SMC2: variants seen among roughly 807,000 people sequenced by gnomAD.
SMC2 encodes the protein structural maintenance of chromosomes 2, also known as structural maintenance of chromosomes protein 2.
SMC2 carries 41 observed loss-of-function variants against 142.6 expected under a neutral mutation model. The ratio of observed to expected loss-of-function variants is 0.29; its 90% CI spans 0.22 to 0.37. The LOEUF (loss-of-function observed/expected upper bound fraction) is 0.37. Among genes scored for constraint, SMC2 ranks in the 10% least tolerant of loss-of-function variants. The pLI, the probability that SMC2 is intolerant of heterozygous loss-of-function variation, is 1.00. For synonymous variants in SMC2, 463 were observed against 457.5 expected (o/e 1.01, Z -0.15); for missense variants, 1,265 against 1,373.7 (o/e 0.92, Z 1.25).
chr9:104,108,079 C>A (rs1486695877), intron 9 of SMC2, among the ~76,000 whole-genome samples: 1 of 152,096 alleles, frequency 6.6e-6, no homozygotes, highest in Non-Finnish European at 1.5e-5. Context: ...CTGTGGTCAC[C>A]AGCACCCAAA....
At chr9:104,117,193 A>G (rs1217399124) in intron 14 of SMC2, among the ~76,000 whole-genome samples, 2 of 152,200 alleles carry the variant, frequency 1.3e-5, no homozygotes, top group Non-Finnish European at 2.9e-5. Context: ...CTCACCATTA[A>G]GTCAAGAAGG....
At chr9:104,128,047 G>A (rs1337018171) in intron 20 of SMC2, among the ~76,000 whole-genome samples, 1 of 152,152 alleles carries the variant, frequency 6.6e-6, no homozygotes, top group Non-Finnish European at 1.5e-5. Flanking sequence ...GATAACACGT[G>A]CTTTTGCAGA....
chr9:104,106,714 C>G (rs981068120), intron 9 of SMC2, among the ~76,000 whole-genome samples: 1 of 152,232 alleles, frequency 6.6e-6, no homozygotes, highest in African/African-American at 2.4e-5. Flanking sequence ...TTTTTTTTAG[C>G]ATTCGAGTCA....
chr9:104,104,708 T>C (rs149226822), intron 9 of SMC2, among the ~76,000 whole-genome samples: 5 of 152,320 alleles, frequency 3.3e-5, no homozygotes, highest in Non-Finnish European at 7.4e-5. Flanking sequence ...TCCTCCAATC[T>C]AGGTATCCCC....
intron 20 of SMC2, among the ~76,000 whole-genome samples, chr9:104,129,432 G>T (rs1478477142): frequency 2.0e-5 from 3 of 151,654 alleles, no homozygotes; most frequent in Admixed American, 2.0e-4. Flanking sequence ...AACCTGGGAG[G>T]TGTAAGTTGC....
At chr9:104,127,250 C>T in intron 19 of SMC2, 36 bp from the exon 20 acceptor site, 2 of 1,466,056 alleles carry the variant, frequency 1.4e-6, no homozygotes, top group East Asian at 2.3e-5. Flanking sequence ...TTACATGTTA[C>T]CTCACCACAT....
upstream of SMC2, among the ~76,000 whole-genome samples, chr9:104,090,944 A>G (rs1829974824): frequency 6.6e-6 from 1 of 152,236 alleles, no homozygotes; most frequent in Non-Finnish European, 1.5e-5. Context: ...AACCAAACAG[A>G]ACATGTATTT....
rs1564063936 is a variant in SMC2, at chr9:104,096,305, G to A, written c.318+8G>A. The A allele has an allele frequency of 6.2e-7, 1 of 1,613,394 alleles. No homozygotes were observed. Among genetic ancestry groups the A allele is most frequent in the African/African-American group, 1.3e-5 (1 of 75,034 alleles). ...ATCACAGTAACAAGGCAGGTGAGTG[G>A]CAATTAAACCTTTGGGTATCTTAAG... is the stretch of plus-strand genomic sequence containing the variant. On this transcript the variant is annotated splice_region_variant and intron_variant, in intron 3 of 24. Transcript: ENST00000374793.
chr9:104,136,916 A>G (rs3780537), intron 23 of SMC2, among the ~76,000 whole-genome samples: 8,593 of 152,058 alleles, frequency 0.057, 642 homozygotes, highest in African/African-American at 0.18. Context: ...AGGCCAAGGC[A>G]GGTGGATCAC....
At position 104,118,428 on chromosome 9, in the gene SMC2, GC is replaced by G. The variant is rs1298620760; in HGVS notation, c.1996+55del. The G allele has an allele frequency of 4.1e-6, 6 of 1,453,644 alleles. No individual in the cohort carries two copies. The African/African-American group carries it at 8.5e-5, about 21-fold the overall frequency. The allele number at this position is 1,453,644 out of a possible 1,614,324, so 90.0% of individuals were successfully genotyped here. A position where few individuals can be genotyped will look rare whatever the true frequency, so the allele number is the denominator to read the frequency against. On this transcript the variant is annotated intron_variant, in intron 15 of 24. Coordinates refer to ENST00000374793, the MANE Select transcript of SMC2 (RefSeq NM_006444.3). ...AATTCTTTGTGGTAAATAGGAAGAT[GC>G]CTTTTTTAAGTACATTTTTAGCCCA...
At chr9:104,113,748 A>G (rs982800182) in intron 11 of SMC2, among the ~76,000 whole-genome samples, 4 of 152,130 alleles carry the variant, frequency 2.6e-5, no homozygotes, top group African/African-American at 9.6e-5. Context: ...TTCAGTTTGT[A>G]TGTTATTTTT....
chr9:104,102,512 A>G lies in SMC2; in HGVS notation c.959A>G (p.Lys320Arg). The G allele has an allele frequency of 6.2e-7, 1 of 1,613,866 alleles. No homozygotes were observed. The highest frequency in any genetic ancestry group is 8.5e-7 in the Non-Finnish European group (1 of 1,179,868). The change falls in exon 9 of 25, where the codon AAG becomes AGG. Residue 320 changes from lysine to arginine, a missense_variant. Around this residue, in one of 4 missense-constraint regions of SMC2, gnomAD observed 898 missense variants for 904.2 expected, o/e 0.99. Coordinates refer to ENST00000374793, the MANE Select transcript of SMC2 (RefSeq NM_006444.3). ...AAATCTCAAAGCGCATTTGATCTCA[A>G]GAAGAAAAATCTGGCATGTGAGGAA... ...NTKSQSAFDL[K>R]KKNLACEESK... is the part of the protein sequence containing the mutation.
chr9:104,091,358 A>T (rs1475405687), upstream of SMC2, among the ~76,000 whole-genome samples: 1 of 152,036 alleles, frequency 6.6e-6, no homozygotes, highest in Non-Finnish European at 1.5e-5. Context: ...CAGAAAGGGT[A>T]GTATGTTGCA....
intron 14 of SMC2, among the ~76,000 whole-genome samples, chr9:104,116,994 T>A (rs1833189655): frequency 6.6e-6 from 1 of 152,216 alleles, no homozygotes; most frequent in African/African-American, 2.4e-5. Flanking sequence ...GAAAAGACAT[T>A]TCTATGAAAC....
rs1454445552 is a variant in SMC2, at chr9:104,095,414, A to G, written c.30A>G (p.Gly10=). The G allele has an allele frequency of 1.2e-6, 2 of 1,613,606 alleles. No individual in the cohort carries two copies. Among genetic ancestry groups the G allele is most frequent in the Non-Finnish European group, 1.7e-6 (2 of 1,179,982 alleles). ...ATATTAAGTCAATTATTCTAGAGGG[A>G]TTCAAGTCCTATGCTCAGAGGACCG... is the stretch of plus-strand genomic sequence containing the variant. MHIKSIILE[G]FKSYAQRTEV... is the part of the protein sequence containing the mutation. Residue 10 remains glycine (G), a synonymous_variant, in exon 2 of 25, where the codon GGA becomes GGG. Coordinates refer to ENST00000374793, the MANE Select transcript of SMC2 (RefSeq NM_006444.3).
At chr9:104,126,824 A>C (rs897835933) in intron 19 of SMC2, 40 bp downstream of exon 19, 2 of 1,558,684 alleles carry the variant, frequency 1.3e-6, no homozygotes, top group Admixed American at 1.9e-5. Flanking sequence ...TGAAAATGCG[A>C]ATCTTTTTAT....
intron 21 of SMC2, among the ~76,000 whole-genome samples, chr9:104,130,731 T>A (rs1834871807): frequency 6.6e-6 from 1 of 152,290 alleles, no homozygotes; most frequent in East Asian, 1.9e-4. Context: ...CTTTGCAATA[T>A]GTGATATATT....
intron 16 of SMC2, among the ~76,000 whole-genome samples, chr9:104,122,369 C>T (rs1833832102): frequency 6.6e-6 from 1 of 152,042 alleles, no homozygotes; most frequent in African/African-American, 2.4e-5. Context: ...CTACATTCCA[C>T]ATTTTTAAAT....
In SMC2 at chr9:104,122,999, T is replaced by G. The variant is rs139960806; in HGVS notation, c.2133-109T>G. 1,295 of 1,117,108 alleles carry G rather than the reference T, an allele frequency of 1.2e-3. 14 individuals are homozygous for G. Among genetic ancestry groups the G allele is most frequent in the African/African-American group, 9.9e-3 (617 of 62,488 alleles). The allele number at this position is 1,117,108 out of a possible 1,614,324, so 69.2% of individuals were successfully genotyped here. ...TCCTGTAACCAGTAGCATCTTATAT[T>G]GTTTATAACGTATGTGAGTTTATTT... On this transcript the variant is annotated intron_variant, in intron 16 of 24. Coordinates refer to ENST00000374793, the MANE Select transcript of SMC2 (RefSeq NM_006444.3).
Sources: gnomAD v4.1 joint callset for allele counts (sites outside exome capture counted in the v4.1 genomes callset) on GRCh38, gnomAD v4.1.1 for gene constraint, gnomAD v4.1.1 regional missense constraint, MANE v1.5 for transcripts, NCBI Gene and HGNC (gene_info 2026-07-23, HGNC 2026-07-21) for gene names.